Variants in CCDC178 observed in about 807,000 individuals in gnomAD.
The protein encoded by CCDC178 is coiled-coil domain-containing protein 178.
CCDC178 carries 126 observed loss-of-function variants against 117.4 expected under a neutral mutation model. The ratio of observed to expected loss-of-function variants is 1.07; its 90% CI spans 0.93 to 1.24. CCDC178 has a LOEUF of 1.24. CCDC178 is among the 50% of genes most tolerant of loss of function. CCDC178 has a pLI of 0.00. For synonymous variants in CCDC178, 283 were observed against 313.4 expected, an observed-to-expected ratio of 0.90 and a Z score of 1.02; for missense variants, 1,030 against 986.9, an observed-to-expected ratio of 1.04 and a Z score of -0.59.
chr18:33,344,834 CACACACACACACACACACACAT>C (rs1232647882), intron 9 of CCDC178, among the ~76,000 whole-genome samples: 24 of 149,964 alleles, frequency 1.6e-4, no homozygotes, highest in African/African-American at 5.9e-4. Context: ...CACACACACA[CACACACACACACACACACACAT>C]ATATTTATAA....
intron 11 of CCDC178, among the ~76,000 whole-genome samples, chr18:33,307,203 T>A (rs1195067011): frequency 1.3e-5 from 2 of 152,200 alleles, no homozygotes; most frequent in Non-Finnish European, 2.9e-5. Context: ...TTTGGAGGAC[T>A]CAGAAGAAGA....
At chr18:33,095,466 A>C (rs536759543) in intron 20 of CCDC178, among the ~76,000 whole-genome samples, 6 of 152,094 alleles carry the variant, frequency 3.9e-5, no homozygotes, top group Admixed American at 3.3e-4. Context: ...TTATAAAATA[A>C]AGATTATGCT....
At chr18:33,092,398 C>G (rs996970586) in intron 21 of CCDC178, among the ~76,000 whole-genome samples, 1 of 151,978 alleles carries the variant, frequency 6.6e-6, no homozygotes, top group Admixed American at 6.6e-5. Context: ...TTTGGAGCCT[C>G]TATACTAAAA....
intron 21 of CCDC178, among the ~76,000 whole-genome samples, chr18:33,026,749 AC>A (rs1770029677): frequency 6.6e-6 from 1 of 151,844 alleles, no homozygotes; most frequent in Non-Finnish European, 1.5e-5. Flanking sequence ...AAAAACAAAA[AC>A]AAAAAATCCC....
chr18:33,228,013 A>G (rs546857657), intron 15 of CCDC178, among the ~76,000 whole-genome samples: 51 of 152,314 alleles, frequency 3.3e-4, no homozygotes, highest in African/African-American at 1.2e-3. Flanking sequence ...GGCTTTGTAG[A>G]CTGGAGAAAA....
At chr18:33,328,465 T>C (rs1435920852) in intron 10 of CCDC178, among the ~76,000 whole-genome samples, 1 of 152,118 alleles carries the variant, frequency 6.6e-6, no homozygotes, top group Non-Finnish European at 1.5e-5. Context: ...TTGATTCATT[T>C]TGAGTTAATG....
At chr18:33,166,333 G>A (rs987633893) in intron 20 of CCDC178, among the ~76,000 whole-genome samples, 6 of 152,118 alleles carry the variant, frequency 3.9e-5, no homozygotes, top group East Asian at 3.9e-4. Context: ...ACAATAAAAC[G>A]ATTATTAAAA....
At chr18:33,215,860 G>A (rs142121625) in intron 18 of CCDC178, among the ~76,000 whole-genome samples, 165 bp from the exon 19 acceptor site, 2 of 152,118 alleles carry the variant, frequency 1.3e-5, no homozygotes, top group African/African-American at 4.8e-5. Context: ...GTCAAAGCAG[G>A]AGGAGCCAGG....
At chr18:33,431,630 T>C (rs1413482886) in intron 2 of CCDC178, among the ~76,000 whole-genome samples, 5 of 152,178 alleles carry the variant, frequency 3.3e-5, no homozygotes, top group Non-Finnish European at 5.9e-5. Flanking sequence ...GTGATATAAA[T>C]ACTCCTACTA....
intron 3 of CCDC178, among the ~76,000 whole-genome samples, chr18:33,411,557 A>C (rs1009256687): frequency 2.0e-5 from 3 of 151,980 alleles, no homozygotes; most frequent in Non-Finnish European, 2.9e-5. Flanking sequence ...AAAATAAAGT[A>C]ATGCAATAAA....
chr18:33,351,475 G>A (rs749397094), intron 7 of CCDC178, among the ~76,000 whole-genome samples: 1 of 152,060 alleles, frequency 6.6e-6, no homozygotes, highest in Non-Finnish European at 1.5e-5. Flanking sequence ...TTACAGGCGT[G>A]AGCCACTGTG....
chr18:33,343,869 A>T (rs1599192633), intron 9 of CCDC178, among the ~76,000 whole-genome samples: 1 of 152,198 alleles, frequency 6.6e-6, no homozygotes, highest in East Asian at 1.9e-4. Context: ...GAATCTAAAG[A>T]CTATAAAAAT....
At chr18:33,029,610 TC>T (rs1243966061) in intron 21 of CCDC178, among the ~76,000 whole-genome samples, 1 of 152,000 alleles carries the variant, frequency 6.6e-6, no homozygotes, top group African/African-American at 2.4e-5. Context: ...TTGAGACCTT[TC>T]TTGTTCATGT....
intron 5 of CCDC178, among the ~76,000 whole-genome samples, chr18:33,385,504 C>T (rs377112306): frequency 2.6e-5 from 4 of 152,124 alleles, no homozygotes; most frequent in Admixed American, 1.3e-4. Context: ...GAAATCATAA[C>T]AAACACTCTC....
At chr18:33,025,328 T>C (rs575904002) in intron 21 of CCDC178, among the ~76,000 whole-genome samples, 1 of 152,296 alleles carries the variant, frequency 6.6e-6, no homozygotes, top group Admixed American at 6.5e-5. Flanking sequence ...CTTTGGGATC[T>C]AGAGGTAGGT....
chr18:33,000,725 A>T (rs894681841), intron 21 of CCDC178, among the ~76,000 whole-genome samples: 1 of 152,226 alleles, frequency 6.6e-6, no homozygotes, highest in Non-Finnish European at 1.5e-5. Context: ...ATCCAGTGAA[A>T]ATATCTTTAA....
intron 11 of CCDC178, among the ~76,000 whole-genome samples, chr18:33,319,169 C>T (rs996110543): frequency 6.6e-6 from 1 of 151,820 alleles, no homozygotes; most frequent in Non-Finnish European, 1.5e-5. Context: ...TTAGGTATAT[C>T]TCCTAATGCT....
chr18:33,008,679 T>G (rs1425475586), intron 21 of CCDC178, among the ~76,000 whole-genome samples: 1 of 152,128 alleles, frequency 6.6e-6, no homozygotes, highest in Non-Finnish European at 1.5e-5. Context: ...TCCTCTCATT[T>G]TCTGTGGAAT....
At chr18:33,148,870 C>T (rs1598933563) in intron 20 of CCDC178, among the ~76,000 whole-genome samples, 1 of 152,180 alleles carries the variant, frequency 6.6e-6, no homozygotes, top group South Asian at 2.1e-4. Flanking sequence ...GGTCAACCGT[C>T]GCAGTGACAA....
Sources: gnomAD v4.1 joint callset for allele counts (sites outside exome capture counted in the v4.1 genomes callset) on GRCh38, gnomAD v4.1.1 for gene constraint, MANE v1.5 for transcripts, NCBI Gene and HGNC (gene_info 2026-07-23, HGNC 2026-07-21) for gene names.